Variants in PLPPR1 observed in about 807,000 individuals in gnomAD.
PLPPR1 encodes phospholipid phosphatase-related protein type 1.
Under a neutral mutation model 33.1 loss-of-function variants are expected in PLPPR1, and 10 were observed. That is an observed-to-expected ratio of 0.30 (90% confidence interval 0.19 to 0.51). The LOEUF is 0.51. Among genes scored for constraint, PLPPR1 ranks in the 20% least tolerant of loss-of-function variants. The pLI is 0.97. For missense variants in PLPPR1, 304 were observed against 408.1 expected, an observed-to-expected ratio of 0.74 and a Z score of 2.20; for synonymous variants, 151 against 151.0, an observed-to-expected ratio of 1.00 and a Z score of 0.00.
chr9:101,062,901 G>A (rs1830364272), intron 1 of PLPPR1, among the ~76,000 whole-genome samples: 2 of 152,138 alleles, frequency 1.3e-5, no homozygotes, highest in African/African-American at 4.8e-5. Context: ...TCCTCATGAT[G>A]ATGATACCTT....
chr9:101,030,575 G>T (rs1375190741), intron 1 of PLPPR1, among the ~76,000 whole-genome samples: 1 of 151,876 alleles, frequency 6.6e-6, no homozygotes, highest in Non-Finnish European at 1.5e-5. Flanking sequence ...TACCTGAAAG[G>T]CGGGTTGGGC....
chr9:101,034,077 T>C (rs1267597951), intron 1 of PLPPR1, among the ~76,000 whole-genome samples: 2 of 151,926 alleles, frequency 1.3e-5, no homozygotes, highest in African/African-American at 4.8e-5. Flanking sequence ...TGCGTAACTA[T>C]CAGTCACTTA....
chr9:101,302,954 C>T (rs1828780120), intron 4 of PLPPR1, among the ~76,000 whole-genome samples: 1 of 152,174 alleles, frequency 6.6e-6, no homozygotes. Context: ...AACAAAAGAA[C>T]AGTCCTCTTT....
chr9:101,292,153 T>G (rs1164581449), intron 4 of PLPPR1, among the ~76,000 whole-genome samples: 1 of 151,968 alleles, frequency 6.6e-6, no homozygotes, highest in Non-Finnish European at 1.5e-5. Context: ...TGCAGAAGCC[T>G]CAGGAGCCGA....
intron 2 of PLPPR1, among the ~76,000 whole-genome samples, chr9:101,191,884 G>T (rs1826302395): frequency 6.6e-6 from 1 of 152,202 alleles, no homozygotes. Context: ...TGAAGTTGTT[G>T]TTTGATGTGT....
Position 101,059,154 on chromosome 9 carries a change from A to G in PLPPR1, c.-46+30052A>G, listed in dbSNP as rs144602287. 3.5e-4 allele frequency among the ~76,000 whole-genome samples: 54 copies of G among 152,282 alleles called. 1 individual carries two copies. Among genetic ancestry groups the G allele is most frequent in the African/African-American group, 1.3e-3 (53 of 41,576 alleles). ...TTTTTTGTGTGATCTTTTCATTAAT[A>G]TGTATCAAAAAGAAGCATATGATTT... On this transcript the variant is annotated intron_variant, in intron 1 of 7. Transcript: ENST00000374874.
At chr9:101,153,846 G>T (rs1473635996) in intron 1 of PLPPR1, among the ~76,000 whole-genome samples, 1 of 151,820 alleles carries the variant, frequency 6.6e-6, no homozygotes, top group Non-Finnish European at 1.5e-5. Context: ...GCCTCCCAAA[G>T]TGCTGGGACT....
At chr9:101,237,943 CTA>C (rs1290570774) in intron 2 of PLPPR1, among the ~76,000 whole-genome samples, 2 of 77,086 alleles carry the variant, frequency 2.6e-5, no homozygotes, top group South Asian at 4.1e-4. Context: ...TATATATATG[CTA>C]TATATATATA....
At chr9:101,108,667 T>C (rs1831010161) in intron 1 of PLPPR1, among the ~76,000 whole-genome samples, 1 of 152,210 alleles carries the variant, frequency 6.6e-6, no homozygotes, top group Non-Finnish European at 1.5e-5. Flanking sequence ...TGTAATTCAG[T>C]TCCTTTTATC....
At position 101,123,675 on chromosome 9, in the gene PLPPR1, G is replaced by C. The variant is rs571249030; in HGVS notation, c.-45-61775G>C. On this transcript the variant is annotated intron_variant, in intron 1 of 7. Transcript: ENST00000374874. ...GCTTTAAGCACATGATTTACAGCTGGGATGGCTTAGCATTTGCTCTGCTAC... is the reference window on the plus strand; with the variant it reads ...GCTTTAAGCACATGATTTACAGCTGCGATGGCTTAGCATTTGCTCTGCTAC... Among the ~76,000 whole-genome samples, 4 of 152,274 alleles carry C rather than the reference G, an allele frequency of 2.6e-5. No individual in the cohort carries two copies. The South Asian group carries it at 8.3e-4, about 32-fold the overall frequency.
chr9:101,279,472 C>A (rs1056341850), intron 3 of PLPPR1, among the ~76,000 whole-genome samples: 5 of 152,130 alleles, frequency 3.3e-5, no homozygotes, highest in African/African-American at 1.2e-4. Context: ...GTAGTATAGA[C>A]CAAATGGACT....
chr9:101,123,119 A>G (rs1831196821), intron 1 of PLPPR1, among the ~76,000 whole-genome samples: 1 of 152,206 alleles, frequency 6.6e-6, no homozygotes, highest in African/African-American at 2.4e-5. Context: ...ATATATCTCT[A>G]TATTTTCAAA....
chr9:101,052,120 T>C (rs1049131346), intron 1 of PLPPR1, among the ~76,000 whole-genome samples: 2 of 152,212 alleles, frequency 1.3e-5, no homozygotes, highest in African/African-American at 4.8e-5. Context: ...ATAATACTTA[T>C]CTCTTATGCT....
At chr9:101,269,769 T>C in intron 2 of PLPPR1, 111 bp from the exon 3 acceptor site, 1 of 1,017,630 alleles carries the variant, frequency 9.8e-7, no homozygotes. Context: ...CACTCGCCAA[T>C]ACCAATATCA....
chr9:101,180,400 G>T (rs1007884991), intron 1 of PLPPR1, among the ~76,000 whole-genome samples: 5 of 150,954 alleles, frequency 3.3e-5, no homozygotes, highest in Non-Finnish European at 7.4e-5. Context: ...TCTAAAATTT[G>T]TATGGAACCA....
intron 1 of PLPPR1, among the ~76,000 whole-genome samples, chr9:101,158,128 G>A (rs1831720952): frequency 6.6e-6 from 1 of 152,124 alleles, no homozygotes; most frequent in Non-Finnish European, 1.5e-5. Context: ...TGTTAGTTGG[G>A]TTTGGCACTT....
intron 1 of PLPPR1, among the ~76,000 whole-genome samples, chr9:101,094,401 G>A (rs73493862): frequency 0.012 from 1,774 of 152,184 alleles, 35 homozygotes; most frequent in African/African-American, 0.041. Context: ...TGAATACACA[G>A]GAATGCAGAA....
At chr9:101,236,367 A>G (rs1218778893) in intron 2 of PLPPR1, among the ~76,000 whole-genome samples, 1 of 151,828 alleles carries the variant, frequency 6.6e-6, no homozygotes, top group East Asian at 1.9e-4. Context: ...ATATTTGAAC[A>G]GAGGAATCAC....
chr9:101,259,892 A>C lies in PLPPR1; in HGVS notation c.64-9988A>C, dbSNP rs142962525. On this transcript the variant is annotated intron_variant, in intron 2 of 7. Coordinates refer to ENST00000374874, the MANE Select transcript of PLPPR1 (RefSeq NM_207299.2). ...CGGATATGCATTTATCTCAGTCAGC[A>C]GGGGGATGACTTTGAGTTCTGTCTG... Among the ~76,000 whole-genome samples the C allele has an allele frequency of 2.9e-3, 448 of 152,226 alleles. 1 individual carries two copies. Among genetic ancestry groups the C allele is most frequent in the African/African-American group, 1.0e-2 (415 of 41,570 alleles).
Sources: gnomAD v4.1 joint callset for allele counts (sites outside exome capture counted in the v4.1 genomes callset) on GRCh38, gnomAD v4.1.1 for gene constraint, MANE v1.5 for transcripts, NCBI Gene and HGNC (gene_info 2026-07-23, HGNC 2026-07-21) for gene names.